Variants in NR1I2 observed in about 807,000 individuals in gnomAD.
NR1I2 encodes orphan nuclear receptor PAR1.
In NR1I2, 42 loss-of-function variants were observed where a neutral mutation model predicts 43.3. The ratio of observed to expected loss-of-function variants is 0.97; its 90% confidence interval spans 0.76 to 1.26. The LOEUF (loss-of-function observed/expected upper bound fraction) is 1.26. Ranked by LOEUF, NR1I2 falls within the 50% of genes most tolerant of loss-of-function variation. The pLI is 0.00. For synonymous variants in NR1I2, 229 were observed against 215.0 expected, an observed-to-expected ratio of 1.06 and a Z score of -0.57; for missense variants, 559 against 566.7, an observed-to-expected ratio of 0.99 and a Z score of 0.14.
intron 1 of NR1I2, among the ~76,000 whole-genome samples, chr3:119,804,962 T>C (rs2055131711): frequency 6.6e-6 from 1 of 152,192 alleles, no homozygotes; most frequent in South Asian, 2.1e-4. Context: ...TTACCATCTT[T>C]TTTTCCCTTC....
chr3:119,787,878 T>G (rs1433680044), intron 1 of NR1I2, among the ~76,000 whole-genome samples: 1 of 152,116 alleles, frequency 6.6e-6, no homozygotes, highest in Non-Finnish European at 1.5e-5. Flanking sequence ...CTCCAAGAGT[T>G]TCTATCCCAA....
chr3:119,794,503 T>G (rs909842511), intron 1 of NR1I2, among the ~76,000 whole-genome samples: 1 of 151,776 alleles, frequency 6.6e-6, no homozygotes, highest in Middle Eastern at 3.4e-3. Context: ...TTTTTTTTTT[T>G]TTTTTTAAGA....
intron 1 of NR1I2, among the ~76,000 whole-genome samples, chr3:119,806,365 G>A (rs1449518673): frequency 2.0e-5 from 3 of 152,152 alleles, no homozygotes; most frequent in African/African-American, 7.2e-5. Flanking sequence ...GCTCACTGCA[G>A]CCTCAAACCC....
At chr3:119,815,156 A>G (rs767190061) in intron 6 of NR1I2, 35 bp downstream of exon 6, 3 of 1,613,846 alleles carry the variant, frequency 1.9e-6, no homozygotes, top group Non-Finnish European at 2.5e-6. Context: ...TGGCAGAGGG[A>G]GGGAAACACT....
chr3:119,813,101 G>A (rs2055268399), intron 5 of NR1I2, 141 bp downstream of exon 5: 16 of 963,576 alleles, frequency 1.7e-5, no homozygotes, highest in South Asian at 1.3e-4. Context: ...TCCCCGGGCA[G>A]CCAGTGCTGC....
chr3:119,806,124 C>T (rs189594096), intron 1 of NR1I2, among the ~76,000 whole-genome samples: 2 of 152,296 alleles, frequency 1.3e-5, no homozygotes, highest in Non-Finnish European at 2.9e-5. Context: ...GTGGTGGTGT[C>T]TGCCCTTGTC....
chr3:119,795,635 T>C, intron 1 of NR1I2, among the ~76,000 whole-genome samples: 1 of 152,172 alleles, frequency 6.6e-6, no homozygotes, highest in East Asian at 1.9e-4. Context: ...TTCTGTTCTT[T>C]TGCTTGAATT....
intron 1 of NR1I2, among the ~76,000 whole-genome samples, chr3:119,788,788 T>G (rs1288291686): frequency 6.6e-6 from 1 of 152,192 alleles, no homozygotes. Context: ...TTCACATATC[T>G]CTTTGATTAT....
chr3:119,814,877 C>G, intron 5 of NR1I2, 102 bp from the exon 6 acceptor site: 3 of 1,464,416 alleles, frequency 2.0e-6, no homozygotes, highest in Non-Finnish European at 2.8e-6. Context: ...CATCCTCCCT[C>G]TTCCTCTCGC....
chr3:119,794,989 G>A (rs1265194948), intron 1 of NR1I2, among the ~76,000 whole-genome samples: 1 of 152,146 alleles, frequency 6.6e-6, no homozygotes, highest in East Asian at 1.9e-4. Flanking sequence ...AAATAGGACT[G>A]CCCAAATTGT....
intron 1 of NR1I2, among the ~76,000 whole-genome samples, chr3:119,805,461 C>T (rs936114798): frequency 6.6e-5 from 10 of 151,940 alleles, no homozygotes; most frequent in South Asian, 2.1e-4. Context: ...GAGGCTGAGG[C>T]GGAGGCTGAG....
Position 119,812,788 on chromosome 3 carries a change from T to C in NR1I2, c.622T>C (p.Ser208Pro). The C allele has an allele frequency of 6.2e-7, 1 of 1,614,210 alleles. No homozygotes were observed. Among genetic ancestry groups the C allele is most frequent in the Non-Finnish European group, 8.5e-7 (1 of 1,180,040 alleles). The change falls in exon 5 of 9, where the codon TCT becomes CCT. Residue 208 changes from serine to proline, a missense_variant. By Grantham distance (74) the Ser-to-Pro change is moderately conservative. Around this residue, in one of 3 missense-constraint regions of NR1I2, gnomAD observed 323 missense variants for 312.2 expected, o/e 1.03. Transcript: ENST00000393716. Reference sequence around the variant, plus strand: ...GAGCCAGGTCCGGAAAGATCTGTGCTCTTTGAAGGTCTCTCTGCAGCTGCG... The same window carrying C: ...GAGCCAGGTCCGGAAAGATCTGTGCCCTTTGAAGGTCTCTCTGCAGCTGCG...
intron 2 of NR1I2, among the ~76,000 whole-genome samples, chr3:119,809,031 T>C (rs1021297845): frequency 1.3e-5 from 2 of 152,084 alleles, no homozygotes; most frequent in African/African-American, 4.8e-5. Context: ...GCCTCCAAGC[T>C]CAAACCTGCC....
rs777887941 is a variant in NR1I2 at position 119,807,212 on chromosome 3, G to C, written c.-22-17G>C. On this transcript the variant is annotated splice_polypyrimidine_tract_variant and intron_variant, in intron 1 of 8. Coordinates refer to ENST00000393716, the MANE Select transcript of NR1I2 (RefSeq NM_003889.4). ...CCTGTCCAGTCTTTTCATTCTCTGT[G>C]GTTTTCTCATTTCTAGTCCAAGAGG... The C allele has an allele frequency of 7.5e-6, 12 of 1,608,282 alleles. No homozygotes were observed. The South Asian group carries it at 1.3e-4, about 18-fold the overall frequency.
chr3:119,817,991 T>G lies in NR1I2; in HGVS notation c.*779T>G. On this transcript the variant is annotated 3_prime_UTR_variant, in exon 9 of 9. Coordinates refer to ENST00000393716, the MANE Select transcript of NR1I2 (RefSeq NM_003889.4). ...AAACGATTTGGATCAAAAGGAGAAA[T>G]GATAAGTGACAAAAGCAGCACAAGG... The G allele has an allele frequency of 1.0e-6, 1 of 985,324 alleles. No individual in the cohort carries two copies. Among genetic ancestry groups the G allele is most frequent in the Non-Finnish European group, 1.2e-6 (1 of 829,946 alleles). 61.0% of individuals were successfully genotyped at this position (985,324 alleles called of 1,614,324 possible).
chr3:119,813,215 C>T (rs1008957963), intron 5 of NR1I2, among the ~76,000 whole-genome samples: 1 of 152,238 alleles, frequency 6.6e-6, no homozygotes, highest in African/African-American at 2.4e-5. Flanking sequence ...AATGCCTCCC[C>T]TGCAGGGCTG....
intron 5 of NR1I2, among the ~76,000 whole-genome samples, chr3:119,814,082 A>G (rs1276726038): frequency 6.6e-6 from 1 of 152,188 alleles, no homozygotes; most frequent in Non-Finnish European, 1.5e-5. Flanking sequence ...GAATAAGATC[A>G]ATTACATGGC....
intron 2 of NR1I2, among the ~76,000 whole-genome samples, chr3:119,808,292 G>C (rs1219174508): frequency 1.3e-5 from 2 of 152,340 alleles, no homozygotes; most frequent in Non-Finnish European, 1.5e-5. Flanking sequence ...CTCCCCTTGT[G>C]GGGGCACAGT....
At chr3:119,783,087 C>T (rs913144125) in intron 1 of NR1I2, among the ~76,000 whole-genome samples, 10 of 151,858 alleles carry the variant, frequency 6.6e-5, no homozygotes, top group African/African-American at 2.4e-4. Context: ...CACTATTCCT[C>T]TCCCACATGG....
Sources: allele counts gnomAD v4.1 joint callset (sites outside exome capture counted in the v4.1 genomes callset), GRCh38; gene constraint gnomAD v4.1.1; regional missense constraint gnomAD v4.1.1; transcripts MANE v1.5; gene names NCBI Gene and HGNC (gene_info 2026-07-23, HGNC 2026-07-21).